Variants in PIN1 observed in about 807,000 individuals in gnomAD.
PIN1 encodes peptidyl-prolyl cis-trans isomerase NIMA-interacting 1.
In PIN1, 8 loss-of-function variants were observed where a neutral mutation model predicts 19.9. That is an observed-to-expected ratio of 0.40 (90% CI 0.24 to 0.72). PIN1 has a LOEUF of 0.72. Ranked by LOEUF, PIN1 falls within the 30% of genes least tolerant of loss-of-function variation. PIN1 has a pLI of 0.37. For missense variants in PIN1, 185 were observed against 226.5 expected (o/e 0.82, Z 1.18); for synonymous variants, 86 against 90.8 (o/e 0.95, Z 0.30).
intron 1 of PIN1, chr19:9,836,833 C>A: frequency 7.8e-7 from 1 of 1,287,000 alleles, no homozygotes; most frequent in Non-Finnish European, 1.0e-6. Context: ...AGTAAACACT[C>A]AGGAAGCGTT....
chr19:9,844,593 A>T (rs978190387), intron 2 of PIN1, among the ~76,000 whole-genome samples: 1 of 152,102 alleles, frequency 6.6e-6, no homozygotes, highest in African/African-American at 2.4e-5. Flanking sequence ...GCTCCTGGAG[A>T]GGCCACCCTG....
intron 3 of PIN1, chr19:9,848,416 G>C (rs928600399): frequency 6.5e-6 from 3 of 462,356 alleles, no homozygotes; most frequent in Non-Finnish European, 1.2e-5. Context: ...CTCATCCCAG[G>C]CCCACCAAGG....
rs1281542749 is a variant in PIN1, at chr19:9,849,614, CG to C, written c.*417del. 1 of 531,036 alleles carries C rather than the reference CG, an allele frequency of 1.9e-6. No individual in the cohort carries two copies. The allele number at this position is 531,036 out of a possible 1,614,324, so 32.9% of individuals were successfully genotyped here. ...TCAGTCGCAAAGGTGAACACTCATG[CG>C]GCCCAGCCATGGGCCCTCTGAGCAA... On this transcript the variant is annotated 3_prime_UTR_variant, in exon 4 of 4. Transcript: ENST00000247970.
At chr19:9,840,708 C>T (rs2046157458) in intron 2 of PIN1, among the ~76,000 whole-genome samples, 1 of 152,182 alleles carries the variant, frequency 6.6e-6, no homozygotes, top group Non-Finnish European at 1.5e-5. Flanking sequence ...GTGATCCTCC[C>T]ACCTCAGCCT....
chr19:9,836,902 C>A, intron 1 of PIN1: 2 of 1,240,866 alleles, frequency 1.6e-6, no homozygotes, highest in Non-Finnish European at 2.1e-6. Context: ...GCCATCTATA[C>A]AATAGAGATA....
chr19:9,845,000 G>A (rs55832059), intron 2 of PIN1, among the ~76,000 whole-genome samples: 46,727 of 152,030 alleles, frequency 0.31, 7,301 homozygotes, highest in South Asian at 0.37. Context: ...CCAATGGGAC[G>A]GTAGTAAATG....
At chr19:9,840,590 G>A (rs2145412084) in intron 2 of PIN1, among the ~76,000 whole-genome samples, 1 of 152,100 alleles carries the variant, frequency 6.6e-6, no homozygotes, top group South Asian at 2.1e-4. Flanking sequence ...AACATCTCTG[G>A]GCTTCAATCT....
intron 1 of PIN1, chr19:9,836,676 C>T (rs36061266): frequency 0.017 from 6,963 of 408,894 alleles, 251 homozygotes; most frequent in African/African-American, 0.094. Flanking sequence ...CCTTCATACC[C>T]CTCACTCCCT....
At chr19:9,845,377 T>TTTTG (rs58093619) in intron 2 of PIN1, among the ~76,000 whole-genome samples, 7 of 48,442 alleles carry the variant, frequency 1.4e-4, no homozygotes, top group South Asian at 4.2e-4. Flanking sequence ...GAAAGCGTTT[T>TTTTG]TTTGTTTGTT....
chr19:9,836,670 C>T, intron 1 of PIN1: 1 of 395,612 alleles, frequency 2.5e-6, no homozygotes, highest in African/African-American at 2.1e-5. Context: ...TTCACTCCTT[C>T]ATACCCCTCA....
intron 2 of PIN1, among the ~76,000 whole-genome samples, chr19:9,844,749 G>A (rs1273062917): frequency 6.6e-6 from 1 of 152,182 alleles, no homozygotes; most frequent in African/African-American, 2.4e-5. Flanking sequence ...CTGGCCTTAG[G>A]GTCGCAGCCT....
At chr19:9,847,577 C>G (rs1051118438) in intron 2 of PIN1, among the ~76,000 whole-genome samples, 10 of 152,204 alleles carry the variant, frequency 6.6e-5, no homozygotes, top group Middle Eastern at 3.2e-3. Flanking sequence ...CTGGACAGCT[C>G]TCCCACCTCT....
In PIN1 at chr19:9,848,131, T is replaced by C; in HGVS notation, c.373T>C (p.Phe125Leu). ...SAKARGDLGA[F>L]SRGQMQKPFE... is the part of the protein sequence containing the mutation. ...CAAGGCCAGGGGAGACCTGGGTGCC[T>C]TCAGCAGAGGTGCGCAAGGAATGGG... is the stretch of plus-strand genomic sequence containing the variant. Residue 125 changes from phenylalanine to leucine, a missense_variant, in exon 3 of 4, where the codon TTC becomes CTC. By Grantham distance (22) the Phe-to-Leu change is conservative. Transcript: ENST00000247970. 6.2e-7 allele frequency: 1 copy of C among 1,601,752 alleles called. No individual in the cohort carries two copies. The highest frequency in any genetic ancestry group is 8.6e-7 in the Non-Finnish European group (1 of 1,168,914).
Position 9,838,620 on chromosome 19 carries a change from C to G in PIN1, c.243C>G (p.Thr81=). ...SSWRQEKITR[T]KEEALELING... ...GGCGGCAGGAGAAGATCACCCGGACCAAGGAGGAGGCCCTGGAGCTGATCA... is the reference window on the plus strand; with the variant it reads ...GGCGGCAGGAGAAGATCACCCGGACGAAGGAGGAGGCCCTGGAGCTGATCA... Residue 81 remains threonine, a synonymous_variant, in exon 2 of 4, where the codon ACC becomes ACG. Coordinates refer to ENST00000247970, the MANE Select transcript of PIN1 (RefSeq NM_006221.4). This position sits in a 1 kb window ranked among gnomAD's most constrained non-coding sequence, Gnocchi z 5.8. 6.5e-7 allele frequency: 1 copy of G among 1,548,758 alleles called. No homozygotes were observed. Among genetic ancestry groups the G allele is most frequent in the Non-Finnish European group, 8.7e-7 (1 of 1,147,842 alleles).
At position 9,849,076 on chromosome 19, in the gene PIN1, CT is replaced by C. The variant is rs2046249195; in HGVS notation, c.383-13del. 6.3e-7 allele frequency: 1 copy of C among 1,599,636 alleles called. No homozygotes were observed. Among genetic ancestry groups the C allele is most frequent in the Non-Finnish European group, 8.6e-7 (1 of 1,167,604 alleles). The stretch of plus-strand genomic sequence containing the variant: ...CCCAGCCCTGACACCCCCACCGCCC[CT>C]CCTGGCTCCCAGGTCAGATGCAGAA... On this transcript the variant is annotated splice_polypyrimidine_tract_variant and intron_variant, in intron 3 of 3. Transcript: ENST00000247970.
chr19:9,837,878 C>T (rs1334493408), intron 1 of PIN1: 1 of 162,464 alleles, frequency 6.2e-6, no homozygotes, highest in Non-Finnish European at 1.4e-5. Flanking sequence ...AGGTGATCCA[C>T]CCCACCTTGG....
chr19:9,838,656 G>A lies in PIN1; in HGVS notation c.271+8G>A, dbSNP rs912253515. ...CCCTGGAGCTGATCAACGGTGAGCA[G>A]GGCGAGGGCAGGGGCTTGGGAGGGG... On this transcript the variant is annotated splice_region_variant and intron_variant, in intron 2 of 3. Coordinates refer to ENST00000247970, the MANE Select transcript of PIN1 (RefSeq NM_006221.4). This position sits in a 1 kb window ranked among gnomAD's most constrained non-coding sequence, Gnocchi z 5.8. 6.5e-6 allele frequency: 10 copies of A among 1,535,478 alleles called. No homozygotes were observed. In the South Asian group the frequency reaches 1.2e-4, roughly 18 times the overall value.
At position 9,846,266 on chromosome 19, in the gene PIN1, C is replaced by T. The variant is rs182761268; in HGVS notation, c.272-1764C>T. On this transcript the variant is annotated intron_variant, in intron 2 of 3. Coordinates refer to ENST00000247970, the MANE Select transcript of PIN1 (RefSeq NM_006221.4). This position sits in a 1 kb window ranked among gnomAD's most constrained non-coding sequence, Gnocchi z 5.9. ...TCGATGTCCCTGTCAGACCAGGACACGTGGGCCGGCAGGGCCAAGGATAGG... is the reference window on the plus strand; with the variant it reads ...TCGATGTCCCTGTCAGACCAGGACATGTGGGCCGGCAGGGCCAAGGATAGG... 6.6e-6 allele frequency among the ~76,000 whole-genome samples: 1 copy of T among 152,210 alleles called. No homozygotes were observed. The highest frequency in any genetic ancestry group is 1.5e-5 in the Non-Finnish European group (1 of 68,040).
intron 2 of PIN1, among the ~76,000 whole-genome samples, chr19:9,841,466 T>C (rs2046165457): frequency 6.6e-6 from 1 of 152,160 alleles, no homozygotes; most frequent in Non-Finnish European, 1.5e-5. Context: ...TAGCCAGAAC[T>C]CTGGGGAAGG....
Sources: allele counts gnomAD v4.1 joint callset (sites outside exome capture counted in the v4.1 genomes callset), GRCh38; gene constraint gnomAD v4.1.1; non-coding constraint Gnocchi (gnomAD v3.1); transcripts MANE v1.5; gene names NCBI Gene and HGNC (gene_info 2026-07-23, HGNC 2026-07-21).